The following CST3 variants were observed in gnomAD, a reference collection of about 807,000 sequenced individuals.
CST3 encodes the protein cystatin-C.
A neutral mutation model predicts 9.0 loss-of-function variants in CST3; 14 were observed. The ratio of observed to expected loss-of-function variants is 1.56; its 90% CI spans 1.03 to 2.44. CST3 has a LOEUF of 2.44. Ranked by LOEUF, CST3 falls within the 30% of genes most tolerant of loss-of-function variation. The pLI, the probability that CST3 is intolerant of heterozygous loss-of-function variation, is 0.00. For synonymous variants in CST3, 96 were observed against 90.2 expected, an observed-to-expected ratio of 1.06 and a Z score of -0.37; for missense variants, 237 against 204.3, an observed-to-expected ratio of 1.16 and a Z score of -0.98.
At chr20:23,630,792 A>G (rs1182945613), downstream of CST3, among the ~76,000 whole-genome samples, 1 of 152,158 alleles carries the variant, frequency 6.6e-6, no homozygotes, top group Non-Finnish European at 1.5e-5. Context: ...AAAAAAGGCA[A>G]ACTCAATAGT....
downstream of CST3, chr20:23,629,087 C>T (rs1446680764): frequency 1.3e-5 from 2 of 152,236 alleles, no homozygotes; most frequent in African/African-American, 4.8e-5. Flanking sequence ...ACGTGTTGTC[C>T]TCATGCCAAT....
At position 23,637,667 on chromosome 20, in the gene CST3, C is replaced by G; in HGVS notation, c.196G>C (p.Asp66His). Residue 66 changes from aspartate (D) to histidine (H), a missense_variant, in exon 1 of 3, where the codon GAC (aspartate) becomes CAC (histidine). Physicochemically the swap from Asp to His is moderately conservative, Grantham distance 81. Transcript: ENST00000376925. ...AVGEYNKASN[D>H]MYHSRALQVV... ...TGCAGCGCGCGGCTGTGGTACATGT[C>G]GTTGCTGGCTTTGTTGTACTCGCCG... The G allele has an allele frequency of 6.5e-7, 1 of 1,536,106 alleles. No individual in the cohort carries two copies. The highest frequency in any genetic ancestry group is 1.4e-5 in the African/African-American group (1 of 70,626).
At chr20:23,637,314 G>A (rs1979714512) in intron 1 of CST3, among the ~76,000 whole-genome samples, 1 of 152,256 alleles carries the variant, frequency 6.6e-6, no homozygotes, top group Non-Finnish European at 1.5e-5. Flanking sequence ...AGGAGGTCGG[G>A]ACAGAGCTGT....
Position 23,635,387 on chromosome 20 carries a change from G to T in CST3, c.244-20C>A, listed in dbSNP as rs543685448. The T allele has an allele frequency of 6.2e-7, 1 of 1,602,070 alleles. No individual in the cohort carries two copies. Among genetic ancestry groups the T allele is most frequent in the African/African-American group, 1.3e-5 (1 of 74,842 alleles). ...TACGATCTACACATGTGAAAGAGCAGGAGGCAGGGACAGCACGTTCTGTCA... is the reference window on the plus strand; with the variant it reads ...TACGATCTACACATGTGAAAGAGCATGAGGCAGGGACAGCACGTTCTGTCA... On this transcript the variant is annotated intron_variant, in intron 1 of 2. Transcript: ENST00000376925.
At chr20:23,633,271 A>G (rs1979516750), downstream of CST3, among the ~76,000 whole-genome samples, 1 of 152,200 alleles carries the variant, frequency 6.6e-6, no homozygotes, top group African/African-American at 2.4e-5. Flanking sequence ...CTGCAAGCAC[A>G]GATGGAATCT....
At chr20:23,634,220 GC>G (rs1979568499) in intron 2 of CST3, among the ~76,000 whole-genome samples, 2 of 152,090 alleles carry the variant, frequency 1.3e-5, no homozygotes, top group East Asian at 3.9e-4. Flanking sequence ...GTGGCACTGG[GC>G]CCCCACCCCA....
exon 4 of CST3, chr20:23,627,179 C>G (rs1979284254): frequency 1.3e-5 from 2 of 152,236 alleles, no homozygotes; most frequent in Admixed American, 6.5e-5. Context: ...AGCAGTCACT[C>G]TGCCTTCTAT....
chr20:23,634,387 G>A (rs1979577817), intron 2 of CST3, among the ~76,000 whole-genome samples: 1 of 152,208 alleles, frequency 6.6e-6, no homozygotes, highest in Non-Finnish European at 1.5e-5. Flanking sequence ...CGAGAGGGAA[G>A]AACCCAGGGA....
Position 23,634,040 on chromosome 20 carries a change from G to A in CST3, c.358-41C>T, listed in dbSNP as rs199895375. On this transcript the variant is annotated intron_variant, in intron 2 of 2. Transcript: ENST00000376925. ...GAGGGGACAATCAGTGTGGGTTACAGTTCAAAGCAGAAGATGCCCAGGCAC... is the reference window on the plus strand; with the variant it reads ...GAGGGGACAATCAGTGTGGGTTACAATTCAAAGCAGAAGATGCCCAGGCAC... The A allele has an allele frequency of 3.2e-6, 5 of 1,545,610 alleles. No homozygotes were observed. In the Admixed American group the frequency reaches 8.3e-5, roughly 26 times the overall value.
At chr20:23,631,589 T>G (rs959230809), downstream of CST3, among the ~76,000 whole-genome samples, 4 of 152,152 alleles carry the variant, frequency 2.6e-5, no homozygotes, top group Admixed American at 6.5e-5. Flanking sequence ...CCTGGGCCTT[T>G]GAGGGTAGGT....
chr20:23,633,952 T>C lies in CST3; in HGVS notation c.405A>G (p.Thr135=). The C allele has an allele frequency of 6.2e-7, 1 of 1,614,152 alleles. No individual in the cohort carries two copies. The highest frequency in any genetic ancestry group is 2.2e-5 in the East Asian group (1 of 44,874). ...GACAGGTGGATTTCGACAAGGTCAT[T>C]GTGCCCTGCCAAGGCACAGCGTAGA... The part of the protein sequence containing the change: ...FQIYAVPWQG[T]MTLSKSTCQD... Residue 135 remains threonine (T), a synonymous_variant, in exon 3 of 3, where the codon ACA becomes ACG. Transcript: ENST00000376925.
chr20:23,631,054 T>C (rs573126424), downstream of CST3, among the ~76,000 whole-genome samples: 1 of 152,258 alleles, frequency 6.6e-6, no homozygotes, highest in Non-Finnish European at 1.5e-5. Flanking sequence ...TTTCTACTTA[T>C]TGAACCTGAA....
In CST3 at chr20:23,637,667, C is replaced by A. The variant is rs750555631; in HGVS notation, c.196G>T (p.Asp66Tyr). The A allele has an allele frequency of 6.5e-7, 1 of 1,536,106 alleles. No homozygotes were observed. The highest frequency in any genetic ancestry group is 2.0e-5 in the Admixed American group (1 of 50,010). The stretch of plus-strand genomic sequence containing the variant: ...TGCAGCGCGCGGCTGTGGTACATGT[C>A]GTTGCTGGCTTTGTTGTACTCGCCG... ...AVGEYNKASNDMYHSRALQVV... is the reference protein window; with the variant it reads ...AVGEYNKASNYMYHSRALQVV... Residue 66 changes from aspartate to tyrosine, a missense_variant, in exon 1 of 3, where the codon GAC becomes TAC. By Grantham distance (160) the Asp-to-Tyr change is radical. Transcript: ENST00000376925.
chr20:23,628,684 G>A (rs1261791789), downstream of CST3: 3 of 152,140 alleles, frequency 2.0e-5, no homozygotes, highest in African/African-American at 7.2e-5. Context: ...GCTCTGCTTG[G>A]TGCAGGGACT....
exon 4 of CST3, chr20:23,628,218 T>C (rs888726779): frequency 4.6e-5 from 7 of 152,198 alleles, no homozygotes; most frequent in Admixed American, 2.6e-4. Context: ...CTCATGAAGA[T>C]AGAAAAAGGA....
At chr20:23,635,075 ACACT>A (rs921256811) in intron 2 of CST3, among the ~76,000 whole-genome samples, 175 bp downstream of exon 2, 41 of 151,990 alleles carry the variant, frequency 2.7e-4, no homozygotes, top group African/African-American at 8.2e-4. Context: ...CCACTTGCAC[ACACT>A]CACGTGCACT....
Position 23,637,853 on chromosome 20 carries a change from G to T in CST3, c.10C>A (p.Pro4Thr). ...AGCAGGAGCAGCGGGGCGCGCAGGG[G>T]CCCGGCCATGGTCGGCTAGGACGCG... is the stretch of plus-strand genomic sequence containing the variant. MAG[P>T]LRAPLLLLAI... Residue 4 changes from proline to threonine, a missense_variant, in exon 1 of 3, where the codon CCC becomes ACC. Transcript: ENST00000376925. 2.8e-6 allele frequency: 4 copies of T among 1,418,352 alleles called. No individual in the cohort carries two copies. The highest frequency in any genetic ancestry group is 2.7e-6 in the Non-Finnish European group (3 of 1,094,606). 87.9% of individuals were successfully genotyped at this position (1,418,352 alleles called of 1,614,324 possible).
At chr20:23,629,008 A>C (rs551319914), downstream of CST3, 1 of 152,298 alleles carries the variant, frequency 6.6e-6, no homozygotes, top group Non-Finnish European at 1.5e-5. Context: ...GGAAGAACCC[A>C]CTTATCACAC....
At chr20:23,636,416 G>C (rs572993419) in intron 1 of CST3, among the ~76,000 whole-genome samples, 165 of 152,282 alleles carry the variant, frequency 1.1e-3, no homozygotes, top group African/African-American at 3.6e-3. Flanking sequence ...ATCTGGCTGA[G>C]GTCTAACTCT....
Sources: gnomAD v4.1 joint callset for allele counts (sites outside exome capture counted in the v4.1 genomes callset) on GRCh38, gnomAD v4.1.1 for gene constraint, MANE v1.5 for transcripts, NCBI Gene and HGNC (gene_info 2026-07-23, HGNC 2026-07-21) for gene names.